CCDC180: variants seen among roughly 807,000 people sequenced by gnomAD.
The protein encoded by CCDC180 is coiled-coil domain-containing protein 180.
In CCDC180, 154 loss-of-function variants were observed where a neutral mutation model predicts 209.2. The ratio of observed to expected loss-of-function variants is 0.74; its 90% CI spans 0.65 to 0.84. CCDC180 has a LOEUF of 0.84. Ranked by LOEUF, CCDC180 falls within the 40% of genes least tolerant of loss-of-function variation. The pLI is 0.00. For missense variants in CCDC180, 1,874 were observed against 1,997.3 expected (o/e 0.94, Z 1.18); for synonymous variants, 778 against 749.1 (o/e 1.04, Z -0.63).
At chr9:97,348,917 C>G (rs116662761) in intron 20 of CCDC180, among the ~76,000 whole-genome samples, 194 bp from the exon 21 acceptor site, 201 of 152,334 alleles carry the variant, frequency 1.3e-3, no homozygotes, top group African/African-American at 4.6e-3. Flanking sequence ...CAGGAGCTCC[C>G]TGCTCATGGC....
At position 97,307,937 on chromosome 9, in the gene CCDC180, C is replaced by G. The variant is rs375970784; in HGVS notation, c.-81-46C>G. ...CGCCTCGAGGCCAGACGTCGTCCCG[C>G]CTGGACCTGAACCTGAGTTTGGGAC... On this transcript the variant is annotated intron_variant, in intron 1 of 36. Coordinates refer to ENST00000529487, the MANE Select transcript of CCDC180 (RefSeq NM_020893.6). 5.1e-6 allele frequency: 8 copies of G among 1,581,520 alleles called. No individual in the cohort carries two copies. In the African/African-American group the frequency reaches 1.1e-4, roughly 21 times the overall value.
chr9:97,352,960 TAC>T (rs112554239), intron 22 of CCDC180, among the ~76,000 whole-genome samples: 6,876 of 149,386 alleles, frequency 0.046, 419 homozygotes, highest in African/African-American at 0.14. Flanking sequence ...TATATATATA[TAC>T]ACACACACAT....
At chr9:97,319,165 A>G (rs1195964575) in intron 10 of CCDC180, among the ~76,000 whole-genome samples, 4 of 152,206 alleles carry the variant, frequency 2.6e-5, no homozygotes, top group Non-Finnish European at 5.9e-5. Flanking sequence ...GAAGAAGCAC[A>G]TTAGGAAAAA....
At chr9:97,363,583 C>T (rs538335106) in intron 28 of CCDC180, 70 of 532,096 alleles carry the variant, frequency 1.3e-4, no homozygotes, top group South Asian at 9.8e-4. Flanking sequence ...TTCAGATCAA[C>T]ACCACCTAAT....
intron 3 of CCDC180, among the ~76,000 whole-genome samples, chr9:97,310,876 A>G (rs2118519922): frequency 6.6e-6 from 1 of 152,278 alleles, no homozygotes; most frequent in South Asian, 2.1e-4. Flanking sequence ...ACCCTGCCTG[A>G]TGCCCCAGGT....
chr9:97,351,308 C>A (rs1038409966), intron 22 of CCDC180, among the ~76,000 whole-genome samples: 2 of 152,182 alleles, frequency 1.3e-5, no homozygotes, highest in African/African-American at 4.8e-5. Flanking sequence ...ACATTATCAC[C>A]AACGCTTGTA....
At chr9:97,360,534 G>A (rs1299878165) in intron 26 of CCDC180, among the ~76,000 whole-genome samples, 4 of 152,028 alleles carry the variant, frequency 2.6e-5, no homozygotes, top group Non-Finnish European at 5.9e-5. Context: ...CCCATGGTCC[G>A]TTCCCCGAAC....
intron 17 of CCDC180, 60 bp downstream of exon 17, chr9:97,330,253 T>G: frequency 1.2e-6 from 2 of 1,610,530 alleles, no homozygotes; most frequent in Admixed American, 3.3e-5. Context: ...CGTTTGTGGG[T>G]TGGGAGGCCC....
Position 97,366,854 on chromosome 9 carries a change from A to C in CCDC180, c.4189+154A>C, listed in dbSNP as rs537284081. 6.6e-6 allele frequency among the ~76,000 whole-genome samples: 1 copy of C among 152,346 alleles called. No individual in the cohort carries two copies. The highest frequency in any genetic ancestry group is 2.1e-4 in the South Asian group (1 of 4,830). On this transcript the variant is annotated intron_variant, in intron 31 of 36. Transcript: ENST00000529487. The surrounding 1 kb of genome is among the most constrained non-coding windows in gnomAD (Gnocchi z 4.3). The stretch of plus-strand genomic sequence containing the variant: ...TGACCTCTTAAAATTAGGTAAAAAC[A>C]ATAATCAGATTTTACTGGGGAAATG...
rs1833104841 is a variant in CCDC180 at position 97,314,721 on chromosome 9, C to T, written c.692C>T (p.Thr231Ile). 6.8e-6 allele frequency: 11 copies of T among 1,613,526 alleles called. No homozygotes were observed. Among genetic ancestry groups the T allele is most frequent in the Non-Finnish European group, 9.3e-6 (11 of 1,179,776 alleles). Residue 231 changes from threonine to isoleucine, a missense_variant, in exon 7 of 37, where the codon ACC (threonine) becomes ATC (isoleucine). Physicochemically the swap from Thr to Ile is moderately conservative, Grantham distance 89 (BLOSUM62 -1). Coordinates refer to ENST00000529487, the MANE Select transcript of CCDC180 (RefSeq NM_020893.6). ...EALHSLEFSRTDKLKSVLKKY... is the reference protein window; with the variant it reads ...EALHSLEFSRIDKLKSVLKKY... ...CTGCACTCGCTGGAGTTCTCCCGAA[C>T]CGATAAAGTAAGTCGGCTGCAGGTG...
In CCDC180 at chr9:97,313,262, T is replaced by C; in HGVS notation, c.376T>C (p.Phe126Leu). The C allele has an allele frequency of 6.2e-7, 1 of 1,611,446 alleles. No individual in the cohort carries two copies. The change falls in exon 5 of 37, where the codon TTT becomes CTT. Residue 126 changes from phenylalanine to leucine, a missense_variant. Transcript: ENST00000529487. ...IVPEKISTST[F>L]QRQAEHKRKS... ...TCCTGAGAAGATAAGCACCAGCACC[T>C]TTCAAAGGCAAGCAGAACACAAGAG...
rs758774689 is a variant in CCDC180 at position 97,313,282 on chromosome 9, CAA to C, written c.397_398del (p.Lys133GlufsTer39). ...GCACCTTTCAAAGGCAAGCAGAACA[CAA>C]GAGGAAGAGCTACGAGAGCGCTCTG... ...TSTFQRQAEH[K>X]RKSYESALAS... is the part of the protein sequence containing the mutation. On this transcript the variant is annotated frameshift_variant, in exon 5 of 37. Transcript: ENST00000529487. LOFTEE classifies it high-confidence loss of function. 4.0e-5 allele frequency: 64 copies of C among 1,612,602 alleles called. No individual in the cohort carries two copies. The highest frequency in any genetic ancestry group is 5.4e-5 in the Non-Finnish European group (64 of 1,179,098).
At chr9:97,363,989 G>C (rs1447496269) in intron 28 of CCDC180, 62 bp from the exon 29 acceptor site, 6 of 1,520,680 alleles carry the variant, frequency 3.9e-6, no homozygotes, top group Non-Finnish European at 5.5e-6. Flanking sequence ...GATCCTGCAG[G>C]CTCAGACCTG....
At chr9:97,324,067 C>G in intron 13 of CCDC180, 164 bp downstream of exon 13, 2 of 741,788 alleles carry the variant, frequency 2.7e-6, no homozygotes, top group South Asian at 3.8e-5. Flanking sequence ...CTGGCCACTC[C>G]AAGCTCACTC....
At chr9:97,352,997 A>G (rs1399517348) in intron 22 of CCDC180, among the ~76,000 whole-genome samples, 2 of 151,350 alleles carry the variant, frequency 1.3e-5, no homozygotes, top group Non-Finnish European at 2.9e-5. Context: ...ATACACATAT[A>G]TACGTATATA....
intron 11 of CCDC180, among the ~76,000 whole-genome samples, chr9:97,320,620 T>C (rs2118602408): frequency 6.6e-6 from 1 of 152,280 alleles, no homozygotes; most frequent in South Asian, 2.1e-4. Context: ...AAAATAGGGA[T>C]GGCAAGAGGA....
intron 24 of CCDC180, among the ~76,000 whole-genome samples, chr9:97,356,246 C>T (rs1476398655): frequency 6.6e-6 from 1 of 152,066 alleles, no homozygotes; most frequent in African/African-American, 2.4e-5. Context: ...TTTGAGGGCC[C>T]ACTAGGACTA....
intron 28 of CCDC180, chr9:97,363,600 G>A (rs773904615): frequency 1.1e-5 from 6 of 532,932 alleles, no homozygotes; most frequent in Non-Finnish European, 2.3e-5. Context: ...TAATTTTTTA[G>A]CATAAGTATG....
At chr9:97,363,119 T>G (rs1360400455) in intron 28 of CCDC180, among the ~76,000 whole-genome samples, 1 of 152,100 alleles carries the variant, frequency 6.6e-6, no homozygotes, top group African/African-American at 2.4e-5. Flanking sequence ...TGTGCGCTGG[T>G]TGGGGGCTGC....
Sources: allele counts gnomAD v4.1 joint callset (sites outside exome capture counted in the v4.1 genomes callset), GRCh38; gene constraint gnomAD v4.1.1; non-coding constraint Gnocchi (gnomAD v3.1); transcripts MANE v1.5; gene names NCBI Gene and HGNC (gene_info 2026-07-23, HGNC 2026-07-21).